PRKN: variants seen among roughly 807,000 people sequenced by gnomAD.
The protein encoded by PRKN is parkin RBR E3 ubiquitin protein ligase, also known as E3 ubiquitin-protein ligase parkin.
PRKN carries 56 observed loss-of-function variants against 59.5 expected under a neutral mutation model. The observed-to-expected ratio is 0.94, with a 90% CI of 0.76 to 1.18. The LOEUF is 1.18. PRKN is among the 50% of genes most tolerant of loss of function. PRKN has a pLI of 0.00. For synonymous variants in PRKN, 250 were observed against 222.1 expected (o/e 1.13, Z -1.12); for missense variants, 657 against 596.4 (o/e 1.10, Z -1.06).
At chr6:161,906,659 C>CATATATATATATATATATATATAT (rs144796790) in intron 6 of PRKN, among the ~76,000 whole-genome samples, 1,431 of 115,674 alleles carry the variant, frequency 0.012, 103 homozygotes, top group Non-Finnish European at 0.015. Flanking sequence ...ATAGAACATA[C>CATATATATATATATATATATATAT]ATATATATAT....
intron 6 of PRKN, among the ~76,000 whole-genome samples, chr6:161,798,422 A>G (rs987213947): frequency 6.6e-6 from 1 of 152,316 alleles, no homozygotes; most frequent in African/African-American, 2.4e-5. Context: ...AGGACCTGTG[A>G]CATCAGCAGG....
Position 162,670,202 on chromosome 6 carries a change from T to C in PRKN, c.7+57460A>G, listed in dbSNP as rs199810861. 1.4e-4 allele frequency among the ~76,000 whole-genome samples: 21 copies of C among 152,284 alleles called. No individual in the cohort carries two copies. The East Asian group carries it at 1.9e-3, about 14-fold the overall frequency. On this transcript the variant is annotated intron_variant, in intron 1 of 11. Transcript: ENST00000366898. ...GCTGAATTCCATTCTTTCAGGGAGA[T>C]AGAAAACATTTATAACAGCAACAGC...
At chr6:161,934,276 G>A (rs1457889982) in intron 6 of PRKN, among the ~76,000 whole-genome samples, 4 of 152,144 alleles carry the variant, frequency 2.6e-5, no homozygotes, top group Non-Finnish European at 4.4e-5. Context: ...GGCATCCCCA[G>A]ACATGTGGAA....
At chr6:162,640,408 C>G (rs1191316780) in intron 1 of PRKN, among the ~76,000 whole-genome samples, 1 of 152,056 alleles carries the variant, frequency 6.6e-6, no homozygotes, top group Non-Finnish European at 1.5e-5. Context: ...ATAGCTGTTT[C>G]TGAATTCTAA....
rs992488917 is a variant in PRKN at position 161,423,056 on chromosome 6, G to T, written c.1084-36179C>A. 6.6e-6 allele frequency among the ~76,000 whole-genome samples: 1 copy of T among 152,102 alleles called. No individual in the cohort carries two copies. The highest frequency in any genetic ancestry group is 2.4e-5 in the African/African-American group (1 of 41,394). ...ATAAATCCATTTACATGTCAGTATC[G>T]TAGTGAGAAATGCACGCACTATGAG... On this transcript the variant is annotated intron_variant, in intron 9 of 11. Coordinates refer to ENST00000366898, the MANE Select transcript of PRKN (RefSeq NM_004562.3). This position sits in a 1 kb window ranked among gnomAD's most constrained non-coding sequence, Gnocchi z 5.9.
intron 6 of PRKN, among the ~76,000 whole-genome samples, chr6:161,850,501 G>A (rs1793382634): frequency 1.3e-5 from 2 of 150,028 alleles, no homozygotes; most frequent in Admixed American, 1.3e-4. Context: ...GCTTGAACCC[G>A]GGAGGCAGAG....
intron 4 of PRKN, among the ~76,000 whole-genome samples, chr6:162,147,898 A>C (rs561624331): frequency 6.6e-6 from 1 of 152,364 alleles, no homozygotes; most frequent in East Asian, 1.9e-4. Flanking sequence ...TAACTTATCA[A>C]TAAAGAAGTA....
chr6:161,997,156 T>C (rs1781878478), intron 5 of PRKN, among the ~76,000 whole-genome samples: 1 of 152,118 alleles, frequency 6.6e-6, no homozygotes, highest in Non-Finnish European at 1.5e-5. Flanking sequence ...CCATTCTACT[T>C]CTTGGTGCAT....
At chr6:162,555,312 A>C in intron 1 of PRKN, among the ~76,000 whole-genome samples, 1 of 152,204 alleles carries the variant, frequency 6.6e-6, no homozygotes, top group East Asian at 1.9e-4. Flanking sequence ...CCAGTAAAAT[A>C]TTCTTTGAAC....
chr6:162,368,240 C>T (rs1022465521), intron 2 of PRKN, among the ~76,000 whole-genome samples: 1 of 152,068 alleles, frequency 6.6e-6, no homozygotes, highest in Non-Finnish European at 1.5e-5. Flanking sequence ...TGGGTGTCTA[C>T]ACAGGTAAGA....
chr6:162,296,864 C>T (rs1387102491), intron 2 of PRKN, among the ~76,000 whole-genome samples: 1 of 152,144 alleles, frequency 6.6e-6, no homozygotes, highest in Admixed American at 6.5e-5. Flanking sequence ...AAAAAAGCAT[C>T]GTTTCCATGC....
intron 3 of PRKN, among the ~76,000 whole-genome samples, chr6:162,210,631 T>A (rs1218116037): frequency 6.6e-6 from 1 of 152,180 alleles, no homozygotes; most frequent in Non-Finnish European, 1.5e-5. Context: ...TTTAATAATA[T>A]TATGGAACAC....
intron 1 of PRKN, among the ~76,000 whole-genome samples, chr6:162,713,991 A>G (rs1778633498): frequency 6.6e-6 from 1 of 152,258 alleles, no homozygotes; most frequent in Admixed American, 6.5e-5. Flanking sequence ...CCGTAATTCA[A>G]TAAAAATAAA....
rs117262052 is a variant in PRKN at position 161,943,061 on chromosome 6, C to G, written c.734+30241G>C. On this transcript the variant is annotated intron_variant, in intron 6 of 11. Coordinates refer to ENST00000366898, the MANE Select transcript of PRKN (RefSeq NM_004562.3). ...CTTCTAGAGTCAGCTAAAATGATATCAAACTTTTTTAAAGATGCCTTCTTA... is the reference window on the plus strand; with the variant it reads ...CTTCTAGAGTCAGCTAAAATGATATGAAACTTTTTTAAAGATGCCTTCTTA... Among the ~76,000 whole-genome samples, 236 of 152,274 alleles carry G rather than the reference C, an allele frequency of 1.5e-3. 1 individual carries two copies. Among genetic ancestry groups the G allele is most frequent in the Admixed American group, 3.5e-3 (53 of 15,292 alleles).
intron 1 of PRKN, among the ~76,000 whole-genome samples, chr6:162,584,991 C>A (rs112139045): frequency 0.075 from 11,243 of 149,328 alleles, 612 homozygotes; most frequent in South Asian, 0.11. Flanking sequence ...ACCTCCACCT[C>A]CTGGGTTCAA....
chr6:162,303,812 C>G (rs1206736128), intron 2 of PRKN, among the ~76,000 whole-genome samples: 2 of 151,952 alleles, frequency 1.3e-5, no homozygotes, highest in East Asian at 1.9e-4. Context: ...AAAACAAGCT[C>G]AGGAAGAGTA....
intron 6 of PRKN, among the ~76,000 whole-genome samples, chr6:161,892,275 A>G (rs1795370633): frequency 6.6e-6 from 1 of 151,954 alleles, no homozygotes; most frequent in African/African-American, 2.4e-5. Flanking sequence ...CCTCTACAAA[A>G]AATCTTTGGA....
chr6:161,905,332 AG>A (rs1302708753), intron 6 of PRKN, among the ~76,000 whole-genome samples: 2 of 152,218 alleles, frequency 1.3e-5, no homozygotes, highest in African/African-American at 2.4e-5. Flanking sequence ...TCACCCCAGG[AG>A]GAATTTTCTG....
chr6:161,899,272 G>T (rs140446063), intron 6 of PRKN, among the ~76,000 whole-genome samples: 1 of 152,204 alleles, frequency 6.6e-6, no homozygotes, highest in Non-Finnish European at 1.5e-5. Context: ...ACATCTTTCA[G>T]TATGTTCCGA....
Sources: allele counts gnomAD v4.1 joint callset (sites outside exome capture counted in the v4.1 genomes callset), GRCh38; gene constraint gnomAD v4.1.1; non-coding constraint Gnocchi (gnomAD v3.1); transcripts MANE v1.5; gene names NCBI Gene and HGNC (gene_info 2026-07-23, HGNC 2026-07-21).